The following CEP85L variants were observed in gnomAD, a reference collection of about 807,000 sequenced individuals.
CEP85L encodes the protein centrosomal protein 85L, also known as centrosomal protein of 85 kDa-like.
In CEP85L, 60 loss-of-function variants were observed where a neutral mutation model predicts 100.3. The observed-to-expected ratio is 0.60, with a 90% CI of 0.49 to 0.74. CEP85L has a LOEUF of 0.74. CEP85L is among the 30% of genes least tolerant of loss of function. The pLI is 0.00. For synonymous variants in CEP85L, 319 were observed against 322.7 expected (o/e 0.99, Z 0.12); for missense variants, 973 against 936.2 (o/e 1.04, Z -0.51).
intron 1 of CEP85L, among the ~76,000 whole-genome samples, chr6:118,672,634 C>T (rs903336386): frequency 1.3e-5 from 2 of 152,026 alleles, no homozygotes; most frequent in Non-Finnish European, 1.5e-5. Flanking sequence ...GGCATGGTGG[C>T]ACACACCTGT....
chr6:118,478,550 C>T (rs1773555531), intron 10 of CEP85L, among the ~76,000 whole-genome samples: 1 of 151,730 alleles, frequency 6.6e-6, no homozygotes, highest in African/African-American at 2.4e-5. Context: ...GAAAAGAAAA[C>T]CAAAAAAGAT....
At position 118,491,802 on chromosome 6, in the gene CEP85L, G is replaced by T; in HGVS notation, c.1321C>A (p.Gln441Lys). The T allele has an allele frequency of 1.2e-6, 2 of 1,612,478 alleles. No individual in the cohort carries two copies. The highest frequency in any genetic ancestry group is 8.5e-7 in the Non-Finnish European group (1 of 1,179,204). ...GCAAGCTTTTGCTCAAATTCCCCTT[G>T]TTGGGAATGGGAAACTGATTCCTCT... is the stretch of plus-strand genomic sequence containing the variant. ...FSEESVSHSQ[Q>K]GEFEQKLAST... is the part of the protein sequence containing the mutation. Residue 441 changes from glutamine (Q) to lysine (K), a missense_variant, in exon 6 of 13, where the codon CAA (glutamine) becomes AAA (lysine). Physicochemically the swap from Gln to Lys is moderately conservative, Grantham distance 53. Around this residue, in one of 3 missense-constraint regions of CEP85L, gnomAD observed 890 missense variants for 844.5 expected, o/e 1.05. Transcript: ENST00000368491.
chr6:118,502,246 A>G (rs1775352616), intron 5 of CEP85L: 3 of 602,784 alleles, frequency 5.0e-6, no homozygotes, highest in Non-Finnish European at 9.0e-6. Context: ...TTATGACTCC[A>G]CATTTATGAA....
Position 118,704,694 on chromosome 6 carries a change from C to T in CEP85L, c.-28+5342G>A, listed in dbSNP as rs191914890. Reference sequence around the variant, plus strand: ...CCACGTTGGCCAGGCTGGTCTCAAACTCCTGACTTCAAGTGATCCTCCTGC... The same window carrying T: ...CCACGTTGGCCAGGCTGGTCTCAAATTCCTGACTTCAAGTGATCCTCCTGC... On this transcript the variant is annotated intron_variant, in intron 1 of 13. Transcript: ENST00000368488. Among the ~76,000 whole-genome samples the T allele has an allele frequency of 7.0e-3, 1,061 of 152,262 alleles. 8 individuals are homozygous for T. The highest frequency in any genetic ancestry group is 0.01 in the Non-Finnish European group (709 of 68,016).
intron 12 of CEP85L, among the ~76,000 whole-genome samples, chr6:118,466,753 G>C (rs1487348005): frequency 6.6e-6 from 1 of 152,134 alleles, no homozygotes; most frequent in African/African-American, 2.4e-5. Flanking sequence ...TAGGCATTAG[G>C]AAACCAGGTT....
At chr6:118,707,487 C>A (rs573333669) in intron 1 of CEP85L, among the ~76,000 whole-genome samples, 60 of 152,184 alleles carry the variant, frequency 3.9e-4, no homozygotes, top group Non-Finnish European at 7.2e-4. Flanking sequence ...AGCCACTGCA[C>A]CTGGCCTTAC....
chr6:118,626,520 TA>T (rs1215767517), intron 2 of CEP85L, among the ~76,000 whole-genome samples: 52 of 152,210 alleles, frequency 3.4e-4, no homozygotes, highest in Admixed American at 3.3e-3. Context: ...TCTCAAAATC[TA>T]AGGCATGTCA....
In CEP85L at chr6:118,519,515, G is replaced by A. The variant is rs536789058; in HGVS notation, c.1139+4287C>T. Among the ~76,000 whole-genome samples the A allele has an allele frequency of 7.0e-4, 47 of 67,082 alleles. 2 individuals carry two copies. The highest frequency in any genetic ancestry group is 2.7e-3 in the African/African-American group (44 of 16,386). The allele number at this position is 67,082 out of a possible 152,430, so 44.0% of individuals were successfully genotyped here. Reference sequence around the variant, plus strand: ...GAAACTCCGTGTGCGTGTGTGTGGCGGGGGGGTTGTGAAACTCCGTGTACG... The same window carrying A: ...GAAACTCCGTGTGCGTGTGTGTGGCAGGGGGGTTGTGAAACTCCGTGTACG... On this transcript the variant is annotated intron_variant, in intron 4 of 12. Transcript: ENST00000368491.
intron 5 of CEP85L, 89 bp from the exon 6 acceptor site, chr6:118,491,954 G>C (rs1774606849): frequency 1.1e-6 from 1 of 901,348 alleles, no homozygotes; most frequent in Admixed American, 2.7e-5. Flanking sequence ...AATATAAGGA[G>C]TACATATAGG....
chr6:118,535,911 T>C (rs1270204670), intron 3 of CEP85L, among the ~76,000 whole-genome samples: 1 of 152,146 alleles, frequency 6.6e-6, no homozygotes, highest in Non-Finnish European at 1.5e-5. Context: ...TATACATTCT[T>C]CAAAACTCAA....
At chr6:118,494,895 G>C (rs1019300201) in intron 5 of CEP85L, among the ~76,000 whole-genome samples, 1 of 152,010 alleles carries the variant, frequency 6.6e-6, no homozygotes, top group Non-Finnish European at 1.5e-5. Context: ...TTGACAACTA[G>C]GATTAGTAAG....
chr6:118,544,688 T>C (rs182625335), intron 3 of CEP85L, among the ~76,000 whole-genome samples: 326 of 152,248 alleles, frequency 2.1e-3, no homozygotes, highest in African/African-American at 7.6e-3. Flanking sequence ...CAGATATTTA[T>C]GAAAAAATAA....
At chr6:118,647,512 C>T (rs1338820832) in intron 1 of CEP85L, among the ~76,000 whole-genome samples, 1 of 152,152 alleles carries the variant, frequency 6.6e-6, no homozygotes, top group East Asian at 1.9e-4. Context: ...CAGGCGCACG[C>T]CACCACGCCC....
intron 3 of CEP85L, among the ~76,000 whole-genome samples, chr6:118,526,187 G>A (rs1582978866): frequency 6.6e-6 from 1 of 152,182 alleles, no homozygotes; most frequent in East Asian, 1.9e-4. Context: ...TACAATAAGG[G>A]CTGATATTCA....
At chr6:118,638,482 T>C (rs1305883090) in intron 1 of CEP85L, among the ~76,000 whole-genome samples, 1 of 151,474 alleles carries the variant, frequency 6.6e-6, no homozygotes, top group African/African-American at 2.4e-5. Context: ...ATGTGAAATA[T>C]GCTGACCAGG....
intron 3 of CEP85L, among the ~76,000 whole-genome samples, chr6:118,527,078 C>CA (rs951672352): frequency 7.0e-6 from 1 of 142,178 alleles, no homozygotes; most frequent in Admixed American, 7.4e-5. Context: ...TGCGATGGCG[C>CA]GATAGAGCTC....
At chr6:118,573,895 CTAAA>C (rs910878731) in intron 2 of CEP85L, 1 of 152,124 alleles carries the variant, frequency 6.6e-6, no homozygotes, top group African/African-American at 2.4e-5. Flanking sequence ...TTAGAAGAAA[CTAAA>C]TAAAATTCAT....
At chr6:118,502,341 C>A in intron 5 of CEP85L, 1 of 520,000 alleles carries the variant, frequency 1.9e-6, no homozygotes, top group Non-Finnish European at 3.6e-6. Context: ...CCATGAGTTT[C>A]TGGCCCCATG....
At chr6:118,587,036 C>T (rs546966793) in intron 2 of CEP85L, among the ~76,000 whole-genome samples, 3 of 152,320 alleles carry the variant, frequency 2.0e-5, no homozygotes, top group South Asian at 2.1e-4. Flanking sequence ...CTTAGTAATA[C>T]GTCGCACCAT....
Sources: gnomAD v4.1 joint callset for allele counts (sites outside exome capture counted in the v4.1 genomes callset) on GRCh38, gnomAD v4.1.1 for gene constraint, gnomAD v4.1.1 regional missense constraint, MANE v1.5 for transcripts, NCBI Gene and HGNC (gene_info 2026-07-23, HGNC 2026-07-21) for gene names.